CRISP1: variants seen among roughly 807,000 people sequenced by gnomAD.
The protein encoded by CRISP1 is cysteine rich secretory protein 1.
In CRISP1, 44 loss-of-function variants were observed where a neutral mutation model predicts 33.1. The observed-to-expected ratio is 1.33, with a 90% CI of 1.05 to 1.71. The LOEUF (loss-of-function observed/expected upper bound fraction) is 1.71, where lower values mean the gene tolerates loss of function less well. Ranked by LOEUF, CRISP1 falls within the 40% of genes most tolerant of loss-of-function variation. The pLI is 0.00. For synonymous variants in CRISP1, 103 were observed against 98.7 expected, an observed-to-expected ratio of 1.04 and a Z score of -0.26; for missense variants, 390 against 301.2, an observed-to-expected ratio of 1.29 and a Z score of -2.18.
At chr6:49,869,647 T>A (rs1283394904), upstream of CRISP1, among the ~76,000 whole-genome samples, 1 of 152,158 alleles carries the variant, frequency 6.6e-6, no homozygotes, top group Non-Finnish European at 1.5e-5. Context: ...AAGATGTCAG[T>A]ATAAAGCTGG....
intron 1 of CRISP1, among the ~76,000 whole-genome samples, chr6:49,862,401 T>C (rs1202939564): frequency 6.6e-6 from 1 of 151,862 alleles, no homozygotes; most frequent in Non-Finnish European, 1.5e-5. Flanking sequence ...ATTACTGATA[T>C]TAGAAAAATA....
At chr6:49,857,663 G>A (rs893119907) in intron 1 of CRISP1, among the ~76,000 whole-genome samples, 2 of 152,118 alleles carry the variant, frequency 1.3e-5, no homozygotes, top group African/African-American at 4.8e-5. Flanking sequence ...TGACACAAGG[G>A]AATTAAGGTA....
intron 3 of CRISP1, among the ~76,000 whole-genome samples, chr6:49,851,245 C>G (rs552527011): frequency 6.6e-6 from 1 of 152,098 alleles, no homozygotes; most frequent in South Asian, 2.1e-4. Flanking sequence ...AATCACCCTC[C>G]AGAGCCTGCA....
chr6:49,864,482 T>C (rs1273835952), intron 1 of CRISP1, among the ~76,000 whole-genome samples: 1 of 151,868 alleles, frequency 6.6e-6, no homozygotes, highest in Non-Finnish European at 1.5e-5. Flanking sequence ...TATACACATG[T>C]CTTCCTTTGG....
chr6:49,865,545 T>C (rs1582285196), intron 1 of CRISP1, among the ~76,000 whole-genome samples: 1 of 152,180 alleles, frequency 6.6e-6, no homozygotes, highest in East Asian at 1.9e-4. Context: ...TTGCATTATA[T>C]GTAAAAGGTC....
intron 5 of CRISP1, among the ~76,000 whole-genome samples, chr6:49,844,399 G>T (rs1173085108): frequency 2.0e-5 from 3 of 152,132 alleles, no homozygotes; most frequent in Non-Finnish European, 4.4e-5. Flanking sequence ...TTCAAGAAAA[G>T]GGAAGAATGA....
chr6:49,853,868 G>A (rs1007545959), intron 2 of CRISP1, among the ~76,000 whole-genome samples: 22 of 152,194 alleles, frequency 1.4e-4, no homozygotes, highest in African/African-American at 4.6e-4. Context: ...TGTTCTATCA[G>A]CTGAGCATTG....
intron 2 of CRISP1, among the ~76,000 whole-genome samples, chr6:49,853,332 A>G (rs1366023568): frequency 6.6e-6 from 1 of 152,114 alleles, no homozygotes; most frequent in Non-Finnish European, 1.5e-5. Context: ...TTAACATCCT[A>G]TCATGGATTT....
At chr6:49,855,100 T>A (rs879615540) in intron 2 of CRISP1, among the ~76,000 whole-genome samples, 2 of 152,096 alleles carry the variant, frequency 1.3e-5, no homozygotes, top group Non-Finnish European at 2.9e-5. Context: ...TCTTTTGGTG[T>A]AAGGAACAAA....
At chr6:49,838,571 T>C (rs1381822845) in intron 6 of CRISP1, 46 bp from the exon 7 acceptor site, 2 of 1,480,914 alleles carry the variant, frequency 1.4e-6, no homozygotes, top group South Asian at 2.3e-5. Flanking sequence ...TTTGAAAAAC[T>C]CACATAAAAC....
intron 1 of CRISP1, among the ~76,000 whole-genome samples, chr6:49,871,654 GT>G (rs1314890114): frequency 6.7e-6 from 1 of 149,004 alleles, no homozygotes; most frequent in Non-Finnish European, 1.5e-5. Flanking sequence ...GTGGTGTTTG[GT>G]TTTTTGTCCT....
chr6:49,862,986 C>T (rs1390159166), intron 1 of CRISP1, among the ~76,000 whole-genome samples: 1 of 152,086 alleles, frequency 6.6e-6, no homozygotes, highest in Non-Finnish European at 1.5e-5. Flanking sequence ...ATGAAGGTAT[C>T]TCTGTTGCCC....
At chr6:49,843,704 G>A (rs1006964065) in intron 5 of CRISP1, among the ~76,000 whole-genome samples, 2 of 152,198 alleles carry the variant, frequency 1.3e-5, no homozygotes, top group African/African-American at 4.8e-5. Flanking sequence ...TAAAAATGTG[G>A]AAGCAGCCTT....
chr6:49,862,860 T>G (rs1771691265), intron 1 of CRISP1, among the ~76,000 whole-genome samples: 1 of 151,726 alleles, frequency 6.6e-6, no homozygotes. Flanking sequence ...TTTTTTTTGC[T>G]TGAGGTCTAA....
chr6:49,850,028 C>G (rs1391736617), intron 3 of CRISP1, among the ~76,000 whole-genome samples: 2 of 140,810 alleles, frequency 1.4e-5, no homozygotes, highest in Admixed American at 1.6e-4. Flanking sequence ...TATTCTCACT[C>G]ATAGGTGGGA....
chr6:49,851,857 T>A (rs1046377596), intron 3 of CRISP1, 144 bp downstream of exon 3: 2 of 948,576 alleles, frequency 2.1e-6, no homozygotes, highest in African/African-American at 1.7e-5. Context: ...TTACCTTCTC[T>A]GGACCTCTGT....
rs199821650 is a variant in CRISP1, at chr6:49,848,244, A to G, written c.251T>C (p.Met84Thr). 16 of 1,606,860 alleles carry G rather than the reference A, an allele frequency of 1.0e-5. No homozygotes were observed. The highest frequency in any genetic ancestry group is 2.7e-5 in the African/African-American group (2 of 74,410). ...NARIFSKYCD[M>T]TESNPLERRL... ...CCTCTCAAGGGGGTTGCTCTCTGTCATATCACAATACTTTGAAAAAATTCT... is the reference window on the plus strand; with the variant it reads ...CCTCTCAAGGGGGTTGCTCTCTGTCGTATCACAATACTTTGAAAAAATTCT... Residue 84 changes from methionine to threonine, a missense_variant, in exon 4 of 8, where the codon ATG becomes ACG. Physicochemically the swap from Met to Thr is moderately conservative, Grantham distance 81. Transcript: ENST00000335847.
At chr6:49,850,601 A>C (rs1362024479) in intron 3 of CRISP1, among the ~76,000 whole-genome samples, 2 of 152,044 alleles carry the variant, frequency 1.3e-5, no homozygotes, top group African/African-American at 2.4e-5. Context: ...TGTCCTATGC[A>C]TTGTTTGTGG....
chr6:49,875,165 T>C (rs771564479), intron 1 of CRISP1, among the ~76,000 whole-genome samples: 3 of 151,952 alleles, frequency 2.0e-5, no homozygotes, highest in Non-Finnish European at 4.4e-5. Flanking sequence ...AACTCCATTG[T>C]CTCATCCCAG....
Sources: gnomAD v4.1 joint callset for allele counts (sites outside exome capture counted in the v4.1 genomes callset) on GRCh38, gnomAD v4.1.1 for gene constraint, MANE v1.5 for transcripts, NCBI Gene and HGNC (gene_info 2026-07-23, HGNC 2026-07-21) for gene names.